Variants in ZFYVE9 observed in about 807,000 individuals in gnomAD.
The protein encoded by ZFYVE9 is zinc finger FYVE-type containing 9.
Under a neutral mutation model 126.7 loss-of-function variants are expected in ZFYVE9, and 43 were observed. That is an observed-to-expected ratio of 0.34 (90% CI 0.27 to 0.44). ZFYVE9 has a LOEUF of 0.44. Among genes scored for constraint, ZFYVE9 ranks in the 20% least tolerant of loss-of-function variants. The pLI is 1.00. For synonymous variants in ZFYVE9, 521 were observed against 597.4 expected (o/e 0.87, Z 1.87); for missense variants, 1,476 against 1,697.0 (o/e 0.87, Z 2.29).
chr1:52,290,669 C>T (rs1645910261), intron 10 of ZFYVE9, among the ~76,000 whole-genome samples: 1 of 152,262 alleles, frequency 6.6e-6, no homozygotes, highest in East Asian at 1.9e-4. Context: ...GTTCCTGACA[C>T]TCTATCCCTG....
At chr1:52,287,779 T>G (rs895158331) in intron 10 of ZFYVE9, among the ~76,000 whole-genome samples, 1 of 149,474 alleles carries the variant, frequency 6.7e-6, no homozygotes, top group Non-Finnish European at 1.5e-5. Context: ...GTGGGAGGAG[T>G]CCTTGAGCCC....
rs1047374403 is a variant in ZFYVE9 at position 52,182,927 on chromosome 1, G to T, written c.-142-33442G>T. Among the ~76,000 whole-genome samples, 6 of 151,694 alleles carry T rather than the reference G, an allele frequency of 4.0e-5. No individual in the cohort carries two copies. The South Asian group carries it at 6.2e-4, about 16-fold the overall frequency. On this transcript the variant is annotated intron_variant, in intron 1 of 18. Transcript: ENST00000287727. ...ATTTTTTGACATATAACTATAAAAA[G>T]AATATTTAGTTTTAAATGTGAATAA...
intron 2 of ZFYVE9, among the ~76,000 whole-genome samples, chr1:52,230,231 G>C (rs1303872082): frequency 2.0e-5 from 3 of 152,126 alleles, no homozygotes; most frequent in African/African-American, 4.8e-5. Flanking sequence ...AGCAAAGCGA[G>C]AGGGGTTCCT....
intron 4 of ZFYVE9, among the ~76,000 whole-genome samples, chr1:52,263,093 A>AAAG (rs1553130100): frequency 4.6e-5 from 7 of 150,838 alleles, no homozygotes; most frequent in East Asian, 4.0e-4. Flanking sequence ...AAAAAAAAAA[A>AAAG]AAAAGAAAAG....
intron 14 of ZFYVE9, 21 bp downstream of exon 14, chr1:52,332,939 A>G (rs1646355708): frequency 6.2e-7 from 1 of 1,613,690 alleles, no homozygotes; most frequent in African/African-American, 1.3e-5. Flanking sequence ...GAGCTGGTTG[A>G]GATTATGATA....
intron 1 of ZFYVE9, among the ~76,000 whole-genome samples, chr1:52,208,031 A>G (rs1274377965): frequency 3.9e-5 from 6 of 152,226 alleles, no homozygotes; most frequent in African/African-American, 1.4e-4. Context: ...ATTAAACAAT[A>G]TAGCATGGGC....
chr1:52,280,321 A>C (rs968082423), intron 9 of ZFYVE9, among the ~76,000 whole-genome samples: 2 of 151,530 alleles, frequency 1.3e-5, no homozygotes, highest in African/African-American at 4.9e-5. Flanking sequence ...CGGAGGTTGC[A>C]GTGAGCCGAG....
chr1:52,200,891 T>G (rs1410673671), intron 1 of ZFYVE9, among the ~76,000 whole-genome samples: 7 of 152,248 alleles, frequency 4.6e-5, no homozygotes, highest in Non-Finnish European at 1.0e-4. Flanking sequence ...CTGTCTTGAT[T>G]ACAGTATATC....
At chr1:52,334,926 A>G in intron 15 of ZFYVE9, 158 bp downstream of exon 15, 1 of 620,712 alleles carries the variant, frequency 1.6e-6, no homozygotes, top group Non-Finnish European at 2.7e-6. Context: ...AGTTCTCTGA[A>G]GAAAGGAGTA....
At chr1:52,181,140 C>G (rs1443356228) in intron 1 of ZFYVE9, among the ~76,000 whole-genome samples, 1 of 152,118 alleles carries the variant, frequency 6.6e-6, no homozygotes, top group Non-Finnish European at 1.5e-5. Flanking sequence ...CGAGCCGAAG[C>G]TGGACTGTAC....
At chr1:52,161,749 A>G (rs936137005) in intron 1 of ZFYVE9, among the ~76,000 whole-genome samples, 28 of 152,242 alleles carry the variant, frequency 1.8e-4, no homozygotes, top group African/African-American at 6.7e-4. Flanking sequence ...GCACCTAACT[A>G]CTTGACTGTT....
chr1:52,159,562 C>G (rs1644436922), intron 1 of ZFYVE9, among the ~76,000 whole-genome samples: 1 of 152,122 alleles, frequency 6.6e-6, no homozygotes, highest in Non-Finnish European at 1.5e-5. Context: ...AGTGGCCAGG[C>G]CTTAGTGCCT....
intron 1 of ZFYVE9, among the ~76,000 whole-genome samples, chr1:52,211,361 T>G (rs891315504): frequency 6.6e-6 from 1 of 152,144 alleles, no homozygotes; most frequent in African/African-American, 2.4e-5. Context: ...TAAAAAATCA[T>G]GTGGGATGGG....
At chr1:52,341,716 C>T (rs1423508950) in intron 17 of ZFYVE9, among the ~76,000 whole-genome samples, 1 of 152,136 alleles carries the variant, frequency 6.6e-6, no homozygotes, top group East Asian at 1.9e-4. Flanking sequence ...AAATCTCTTA[C>T]TCAAATTCAT....
intron 1 of ZFYVE9, chr1:52,190,315 C>T (rs1415738336): frequency 6.6e-6 from 1 of 152,186 alleles, no homozygotes; most frequent in Non-Finnish European, 1.5e-5. Context: ...TTCATTCTTG[C>T]AGTGGATGTG....
At chr1:52,338,397 T>C (rs1486839566) in intron 16 of ZFYVE9, among the ~76,000 whole-genome samples, 1 of 152,208 alleles carries the variant, frequency 6.6e-6, no homozygotes, top group Non-Finnish European at 1.5e-5. Flanking sequence ...TCTGTATTCT[T>C]TCTCAGTGTT....
chr1:52,252,741 G>T, intron 4 of ZFYVE9: 1 of 467,188 alleles, frequency 2.1e-6, no homozygotes, highest in Non-Finnish European at 4.4e-6. Context: ...CAGCAGCAAT[G>T]GTCAGTCCGA....
At chr1:52,336,947 T>TAAAAAAAAAAAA (rs71041896) in intron 15 of ZFYVE9, among the ~76,000 whole-genome samples, 12 of 107,848 alleles carry the variant, frequency 1.1e-4, no homozygotes, top group African/African-American at 3.6e-4. Flanking sequence ...AGTCATCTCT[T>TAAAAAAAAAAAA]AAAAAAAAAA....
chr1:52,345,077 C>T, intron 18 of ZFYVE9, 133 bp downstream of exon 18: 1 of 965,486 alleles, frequency 1.0e-6, no homozygotes, highest in Non-Finnish European at 1.5e-6. Flanking sequence ...GTGTTTTTGG[C>T]CCTCTCTTTA....
Sources: gnomAD v4.1 joint callset for allele counts (sites outside exome capture counted in the v4.1 genomes callset) on GRCh38, gnomAD v4.1.1 for gene constraint, MANE v1.5 for transcripts, NCBI Gene and HGNC (gene_info 2026-07-23, HGNC 2026-07-21) for gene names.